ZFHX3: variants seen among roughly 807,000 people sequenced by gnomAD.
The protein encoded by ZFHX3 is zinc finger homeobox protein 3.
Under a neutral mutation model 279.1 loss-of-function variants are expected in ZFHX3, and 42 were observed. The ratio of observed to expected loss-of-function variants is 0.15; its 90% CI spans 0.12 to 0.19. The LOEUF is 0.19. Ranked by LOEUF, ZFHX3 falls within the 10% of genes least tolerant of loss-of-function variation. The probability of loss-of-function intolerance (pLI) is 1.00; values close to 1 mark genes in which losing one functional copy is unlikely to be tolerated. For missense variants in ZFHX3, 4,981 were observed against 4,754.0 expected (o/e 1.05, Z -1.40); for synonymous variants, 2,293 against 1,957.8 (o/e 1.17, Z -4.52).
chr16:73,313,396 A>C (rs4566194), intron 4 of ZFHX3, among the ~76,000 whole-genome samples: 118,032 of 151,686 alleles, frequency 0.78, 46,430 homozygotes, highest in African/African-American at 0.87. Context: ...CATCATCACA[A>C]CCACAGCTGT....
chr16:73,292,704 C>T (rs2014804065), intron 4 of ZFHX3, among the ~76,000 whole-genome samples: 1 of 152,042 alleles, frequency 6.6e-6, no homozygotes, highest in South Asian at 2.1e-4. Context: ...GAGCGGGCCT[C>T]AGGGGGTGCA....
chr16:73,055,552 A>T (rs148063942), intron 1 of ZFHX3, among the ~76,000 whole-genome samples: 1 of 152,084 alleles, frequency 6.6e-6, no homozygotes, highest in Admixed American at 6.5e-5. Flanking sequence ...TTCAAACTCA[A>T]TGTGACCCTG....
chr16:73,106,244 A>AG (rs1966303303), intron 7 of ZFHX3, among the ~76,000 whole-genome samples: 2 of 152,030 alleles, frequency 1.3e-5, no homozygotes. Flanking sequence ...GCTGGGTCCT[A>AG]GGTGGCTGGA....
intron 5 of ZFHX3, among the ~76,000 whole-genome samples, chr16:73,213,053 GA>G (rs774032014): frequency 2.0e-5 from 3 of 152,174 alleles, no homozygotes; most frequent in Non-Finnish European, 2.9e-5. Context: ...TTTCTGATCT[GA>G]AAGACAGAAT....
intron 5 of ZFHX3, among the ~76,000 whole-genome samples, chr16:73,178,063 G>A (rs1025795777): frequency 2.6e-5 from 4 of 152,176 alleles, no homozygotes; most frequent in Non-Finnish European, 5.9e-5. Context: ...GCTTCCACCA[G>A]GTGCTTCTAG....
intron 5 of ZFHX3, among the ~76,000 whole-genome samples, chr16:73,214,848 T>G (rs1002137270): frequency 5.7e-5 from 8 of 141,100 alleles, no homozygotes; most frequent in African/African-American, 2.1e-4. Context: ...AAGGCCTTTT[T>G]TTTTTTTTTT....
chr16:72,861,182 C>T (rs903290279), intron 4 of ZFHX3, among the ~76,000 whole-genome samples: 4 of 152,248 alleles, frequency 2.6e-5, no homozygotes, highest in African/African-American at 9.6e-5. Context: ...CCTACAGCCA[C>T]TGGGCTGTCT....
chr16:73,419,035 C>T (rs551459812), intron 3 of ZFHX3, among the ~76,000 whole-genome samples: 1 of 152,294 alleles, frequency 6.6e-6, no homozygotes, highest in African/African-American at 2.4e-5. Flanking sequence ...CTAGAGTAAA[C>T]AAAATCCAGT....
At chr16:72,901,677 C>T (rs1308306831) in intron 3 of ZFHX3, among the ~76,000 whole-genome samples, 7 of 152,194 alleles carry the variant, frequency 4.6e-5, no homozygotes, top group African/African-American at 1.7e-4. Flanking sequence ...AAGAGACAGA[C>T]TTGTCGGAGG....
At chr16:73,084,708 G>T (rs920760636) in intron 8 of ZFHX3, among the ~76,000 whole-genome samples, 1 of 151,944 alleles carries the variant, frequency 6.6e-6, no homozygotes, top group Non-Finnish European at 1.5e-5. Flanking sequence ...TTTTAGTAGA[G>T]ATGGGGTTTC....
At chr16:73,194,263 G>A (rs186767305) in intron 5 of ZFHX3, among the ~76,000 whole-genome samples, 10 of 152,158 alleles carry the variant, frequency 6.6e-5, no homozygotes, top group African/African-American at 1.7e-4. Context: ...GCAGTGGTGC[G>A]ATCATGGCTC....
rs772391075 is a variant in ZFHX3, at chr16:72,957,812, AGCCACCGCC to A, written c.2325_2333del (p.Val777_Ala779del). On this transcript the variant is annotated inframe_deletion, in exon 2 of 10. Coordinates refer to ENST00000268489, the MANE Select transcript of ZFHX3 (RefSeq NM_006885.4). Reference sequence around the variant, plus strand: ...TGATATTGGCTGCCGCCGCCGCCGCAGCCACCGCCGCCGCCGCCGCCCCGGCAGTGTGGC... The same window carrying A: ...TGATATTGGCTGCCGCCGCCGCCGCAGCCGCCGCCGCCCCGGCAGTGTGGC... 1.3e-4 allele frequency: 202 copies of A among 1,582,120 alleles called. No homozygotes were observed. Among genetic ancestry groups the A allele is most frequent in the East Asian group, 7.4e-4 (33 of 44,466 alleles).
intron 3 of ZFHX3, among the ~76,000 whole-genome samples, chr16:72,935,272 C>T (rs1349347194): frequency 1.3e-5 from 2 of 152,122 alleles, no homozygotes; most frequent in South Asian, 2.1e-4. Flanking sequence ...TGTTCTGCCA[C>T]CAAAAATGTG....
intron 1 of ZFHX3, among the ~76,000 whole-genome samples, chr16:73,727,820 A>G (rs1463412720): frequency 1.3e-5 from 2 of 152,268 alleles, no homozygotes; most frequent in African/African-American, 4.8e-5. Context: ...CTGGGGTTCC[A>G]GTTGAACCAT....
intron 5 of ZFHX3, among the ~76,000 whole-genome samples, chr16:73,197,329 G>A (rs1476905414): frequency 5.9e-5 from 9 of 152,140 alleles, no homozygotes; most frequent in African/African-American, 2.2e-4. Flanking sequence ...TCCACGGCAT[G>A]AGAGCGTGAC....
At chr16:72,820,153 C>A (rs561870926) in intron 5 of ZFHX3, among the ~76,000 whole-genome samples, 6 of 152,328 alleles carry the variant, frequency 3.9e-5, no homozygotes, top group African/African-American at 1.4e-4. Flanking sequence ...TGTGGGGCCT[C>A]TGCTTTCTCT....
chr16:73,881,570 T>A (rs894568859), intron 1 of ZFHX3, among the ~76,000 whole-genome samples: 1 of 148,128 alleles, frequency 6.8e-6, no homozygotes. Flanking sequence ...CACTGTTCCA[T>A]TTTTATCTGT....
At chr16:73,240,709 T>C (rs2013095732) in intron 5 of ZFHX3, among the ~76,000 whole-genome samples, 1 of 152,192 alleles carries the variant, frequency 6.6e-6, no homozygotes, top group African/African-American at 2.4e-5. Context: ...CTGTGAATAA[T>C]GATGAAAGTG....
At chr16:73,789,401 C>CT (rs1034483440) in intron 1 of ZFHX3, among the ~76,000 whole-genome samples, 10 of 151,904 alleles carry the variant, frequency 6.6e-5, no homozygotes, top group Admixed American at 5.9e-4. Context: ...AGGATGGTCT[C>CT]TATTTCCTGA....
Sources: gnomAD v4.1 joint callset for allele counts (sites outside exome capture counted in the v4.1 genomes callset) on GRCh38, gnomAD v4.1.1 for gene constraint, MANE v1.5 for transcripts, NCBI Gene and HGNC (gene_info 2026-07-23, HGNC 2026-07-21) for gene names.